The following PAPPA2 variants were observed in gnomAD, a reference collection of about 807,000 sequenced individuals.
The protein encoded by PAPPA2 is pappalysin 2, also known as pappalysin-2.
A neutral mutation model predicts 176.4 loss-of-function variants in PAPPA2; 86 were observed. The ratio of observed to expected loss-of-function variants is 0.49; its 90% confidence interval spans 0.41 to 0.58. The LOEUF (loss-of-function observed/expected upper bound fraction) is 0.58, where lower values mean the gene tolerates loss of function less well. Among genes scored for constraint, PAPPA2 ranks in the 20% least tolerant of loss-of-function variants. The pLI, the probability that PAPPA2 is intolerant of heterozygous loss-of-function variation, is 0.00. For synonymous variants in PAPPA2, 809 were observed against 852.2 expected, an observed-to-expected ratio of 0.95 and a Z score of 0.88; for missense variants, 2,073 against 2,256.9, an observed-to-expected ratio of 0.92 and a Z score of 1.65.
chr1:176,739,647 G>A lies in PAPPA2; in HGVS notation c.3820G>A (p.Glu1274Lys), dbSNP rs749116990. Residue 1274 changes from glutamate (E) to lysine (K), a missense_variant, in exon 13 of 23, where the codon GAG becomes AAG. By Grantham distance (56) the Glu-to-Lys change is moderately conservative (BLOSUM62 1). Coordinates refer to ENST00000367662, the MANE Select transcript of PAPPA2 (RefSeq NM_020318.3). The stretch of plus-strand genomic sequence containing the variant: ...TTAGGTGTGTTTCAATAGACCAGGA[G>A]AGGCCAGAGCAATTTTTATTTTTTT... ...WLKVCFNRPG[E>K]ARAIFIFLTT... The A allele has an allele frequency of 1.9e-6, 3 of 1,613,532 alleles. No individual in the cohort carries two copies. Among genetic ancestry groups the A allele is most frequent in the Non-Finnish European group, 1.7e-6 (2 of 1,179,610 alleles).
rs568755539 is a variant in PAPPA2, at chr1:176,813,038, G to A, written c.5202+12906G>A. Among the ~76,000 whole-genome samples, 14 of 152,122 alleles carry A rather than the reference G, an allele frequency of 9.2e-5. 1 individual carries two copies. The highest frequency in any genetic ancestry group is 2.4e-4 in the African/African-American group (10 of 41,474). On this transcript the variant is annotated intron_variant, in intron 21 of 22. Transcript: ENST00000367662. ...CTCCCACTTATAAATGAGAACATGC[G>A]ATATTTGATTTTTCATTCCTGCTTT...
chr1:176,831,283 G>T lies in PAPPA2; in HGVS notation c.5203-8890G>T, dbSNP rs546844385. 9.2e-5 allele frequency among the ~76,000 whole-genome samples: 14 copies of T among 152,288 alleles called. No individual in the cohort carries two copies. In the East Asian group the frequency reaches 2.7e-3, roughly 29 times the overall value. The stretch of plus-strand genomic sequence containing the variant: ...AAAGGTACCCAACACCTTACCATCA[G>T]CAAGGCCTCTGAGTCAGAGGAGGGC... On this transcript the variant is annotated intron_variant, in intron 21 of 22. Coordinates refer to ENST00000367662, the MANE Select transcript of PAPPA2 (RefSeq NM_020318.3).
Position 176,688,617 on chromosome 1 carries a change from A to G in PAPPA2, c.2138-1520A>G, listed in dbSNP as rs1019561311. Among the ~76,000 whole-genome samples, 6 of 152,360 alleles carry G rather than the reference A, an allele frequency of 3.9e-5. No individual in the cohort carries two copies. In the South Asian group the frequency reaches 8.3e-4, roughly 21 times the overall value. ...ACCATAAGTAGTAGAAATAATAAAC[A>G]CGGGAGGTGAGGTCTAGTTTCACCT... is the stretch of plus-strand genomic sequence containing the variant. On this transcript the variant is annotated intron_variant, in intron 4 of 22. Coordinates refer to ENST00000367662, the MANE Select transcript of PAPPA2 (RefSeq NM_020318.3).
intron 17 of PAPPA2, among the ~76,000 whole-genome samples, chr1:176,777,698 G>A (rs531634028): frequency 8.5e-5 from 13 of 152,072 alleles, no homozygotes; most frequent in African/African-American, 3.1e-4. Flanking sequence ...CTAATTTACA[G>A]GATAGAAATA....
chr1:176,765,376 A>G (rs1423479169), intron 14 of PAPPA2, among the ~76,000 whole-genome samples: 1 of 152,224 alleles, frequency 6.6e-6, no homozygotes, highest in Non-Finnish European at 1.5e-5. Context: ...TTTCTGAGCC[A>G]CACAGAACTC....
chr1:176,753,106 G>A (rs973960078), intron 14 of PAPPA2, among the ~76,000 whole-genome samples: 8 of 152,152 alleles, frequency 5.3e-5, no homozygotes, highest in African/African-American at 1.7e-4. Flanking sequence ...GGAAGGAAGT[G>A]GCTGTCTCAT....
At chr1:176,517,146 G>A (rs1648960280) in intron 1 of PAPPA2, among the ~76,000 whole-genome samples, 1 of 152,092 alleles carries the variant, frequency 6.6e-6, no homozygotes, top group Non-Finnish European at 1.5e-5. Flanking sequence ...AGTAAAATGA[G>A]CTTTTTCATT....
chr1:176,637,318 A>C (rs1409123231), intron 3 of PAPPA2, among the ~76,000 whole-genome samples: 2 of 152,146 alleles, frequency 1.3e-5, no homozygotes, highest in Non-Finnish European at 2.9e-5. Context: ...GACTGGCATG[A>C]CCAGCATTTA....
At chr1:176,600,675 C>CAAAAA (rs749068016) in intron 3 of PAPPA2, among the ~76,000 whole-genome samples, 12 of 80,854 alleles carry the variant, frequency 1.5e-4, no homozygotes, top group Admixed American at 1.4e-4. Flanking sequence ...GACTCCGTCT[C>CAAAAA]AAAAAAAAAA....
intron 12 of PAPPA2, among the ~76,000 whole-genome samples, chr1:176,713,423 A>C (rs1198423624): frequency 6.6e-6 from 1 of 152,182 alleles, no homozygotes; most frequent in Non-Finnish European, 1.5e-5. Context: ...TTTAAACCTG[A>C]GCAAAGGGGA....
At chr1:176,770,562 C>A (rs968125470) in intron 16 of PAPPA2, among the ~76,000 whole-genome samples, 3 of 152,060 alleles carry the variant, frequency 2.0e-5, no homozygotes, top group Admixed American at 6.6e-5. Flanking sequence ...AATTTACACA[C>A]GTTAATACAT....
chr1:176,592,827 A>G (rs1653744669), intron 2 of PAPPA2, among the ~76,000 whole-genome samples: 1 of 152,234 alleles, frequency 6.6e-6, no homozygotes, highest in African/African-American at 2.4e-5. Context: ...CAGACAGATA[A>G]TTAAAGCTAC....
At chr1:176,830,747 G>C (rs1050252326) in intron 21 of PAPPA2, among the ~76,000 whole-genome samples, 3 of 152,172 alleles carry the variant, frequency 2.0e-5, no homozygotes, top group Middle Eastern at 3.2e-3. Context: ...CCCTGCAATG[G>C]GGACAGTGAG....
chr1:176,602,660 G>A (rs1218638052), intron 3 of PAPPA2, among the ~76,000 whole-genome samples: 1 of 152,118 alleles, frequency 6.6e-6, no homozygotes, highest in African/African-American at 2.4e-5. Context: ...AGCGTAAGGG[G>A]TAGAAGAGGG....
chr1:176,745,394 C>T (rs528563335), intron 14 of PAPPA2, among the ~76,000 whole-genome samples: 28 of 152,288 alleles, frequency 1.8e-4, no homozygotes, highest in African/African-American at 6.7e-4. Flanking sequence ...AGTGATGCTG[C>T]TGGATGCCGT....
At chr1:176,514,194 A>T (rs773033356) in intron 1 of PAPPA2, among the ~76,000 whole-genome samples, 1 of 152,172 alleles carries the variant, frequency 6.6e-6, no homozygotes, top group Non-Finnish European at 1.5e-5. Flanking sequence ...AGGCCTCAGG[A>T]TGCTTACAAT....
intron 2 of PAPPA2, among the ~76,000 whole-genome samples, chr1:176,582,340 T>G (rs1212685057): frequency 6.6e-6 from 1 of 152,196 alleles, no homozygotes; most frequent in Non-Finnish European, 1.5e-5. Context: ...TGGCTAGGAC[T>G]TCCAGTGCTA....
chr1:176,590,625 G>C (rs967185921), intron 2 of PAPPA2, among the ~76,000 whole-genome samples: 2 of 152,152 alleles, frequency 1.3e-5, no homozygotes, highest in African/African-American at 4.8e-5. Flanking sequence ...ACCTCATGAG[G>C]TTTAAGTCTC....
At chr1:176,561,079 C>A (rs1651641969) in intron 2 of PAPPA2, among the ~76,000 whole-genome samples, 1 of 152,214 alleles carries the variant, frequency 6.6e-6, no homozygotes, top group Non-Finnish European at 1.5e-5. Context: ...TTGTGTAGAA[C>A]TTGGGAGGCA....
Sources: gnomAD v4.1 joint callset for allele counts (sites outside exome capture counted in the v4.1 genomes callset) on GRCh38, gnomAD v4.1.1 for gene constraint, MANE v1.5 for transcripts, NCBI Gene and HGNC (gene_info 2026-07-23, HGNC 2026-07-21) for gene names.